The following KLHL1 variants were observed in gnomAD, a reference collection of about 807,000 sequenced individuals.
KLHL1 encodes kelch-like protein 1.
In KLHL1, 47 loss-of-function variants were observed where a neutral mutation model predicts 77.7. The observed-to-expected ratio is 0.60, with a 90% CI of 0.48 to 0.77. KLHL1 has a LOEUF of 0.77. Ranked by LOEUF, KLHL1 falls within the 30% of genes least tolerant of loss-of-function variation. KLHL1 has a pLI of 0.00. For missense variants in KLHL1, 925 were observed against 910.8 expected, an observed-to-expected ratio of 1.02 and a Z score of -0.20; for synonymous variants, 360 against 325.2, an observed-to-expected ratio of 1.11 and a Z score of -1.15.
At chr13:69,749,352 A>G (rs540830588) in intron 7 of KLHL1, among the ~76,000 whole-genome samples, 1 of 152,146 alleles carries the variant, frequency 6.6e-6, no homozygotes, top group Non-Finnish European at 1.5e-5. Flanking sequence ...GTCATTTTTC[A>G]TACAACTCAA....
chr13:69,996,582 T>C (rs1458469808), intron 1 of KLHL1, among the ~76,000 whole-genome samples: 1 of 152,138 alleles, frequency 6.6e-6, no homozygotes, highest in Non-Finnish European at 1.5e-5. Flanking sequence ...TAGGGGAATC[T>C]AAACTTGTTT....
intron 9 of KLHL1, among the ~76,000 whole-genome samples, chr13:69,711,830 T>C (rs1875889722): frequency 6.6e-6 from 1 of 152,156 alleles, no homozygotes; most frequent in Admixed American, 6.6e-5. Flanking sequence ...CTACCATCAG[T>C]GTAATGAGCA....
intron 2 of KLHL1, among the ~76,000 whole-genome samples, chr13:69,974,517 A>G (rs1445608775): frequency 2.0e-5 from 3 of 151,894 alleles, no homozygotes; most frequent in Non-Finnish European, 4.4e-5. Context: ...TGAAAAAGAA[A>G]ATGTTGAATT....
chr13:69,783,891 A>G (rs930203674), intron 7 of KLHL1, among the ~76,000 whole-genome samples: 1 of 151,780 alleles, frequency 6.6e-6, no homozygotes, highest in Non-Finnish European at 1.5e-5. Context: ...GATTCACCAA[A>G]GTTGAAATGA....
At chr13:69,747,556 G>A (rs1375942627) in intron 7 of KLHL1, among the ~76,000 whole-genome samples, 1 of 151,874 alleles carries the variant, frequency 6.6e-6, no homozygotes, top group Middle Eastern at 3.2e-3. Context: ...TGATATTGTT[G>A]TCTTCATACT....
Position 69,772,512 on chromosome 13 carries a change from G to C in KLHL1, c.1639+24226C>G, listed in dbSNP as rs535086603. On this transcript the variant is annotated intron_variant, in intron 7 of 10. Coordinates refer to ENST00000377844, the MANE Select transcript of KLHL1 (RefSeq NM_020866.3). ...CCTCATTAAATCTAAACAAATTAAG[G>C]CTGTTTATTATTTCTCAATGAACTA... Among the ~76,000 whole-genome samples the C allele has an allele frequency of 5.3e-5, 8 of 152,020 alleles. No homozygotes were observed. In the East Asian group the frequency reaches 1.5e-3, roughly 29 times the overall value.
At chr13:69,742,888 T>C (rs1593790231) in intron 7 of KLHL1, among the ~76,000 whole-genome samples, 1 of 152,160 alleles carries the variant, frequency 6.6e-6, no homozygotes, top group African/African-American at 2.4e-5. Flanking sequence ...AATGTGAAGG[T>C]TGAGGTTATT....
intron 1 of KLHL1, among the ~76,000 whole-genome samples, chr13:70,068,223 C>T (rs1381391330): frequency 6.6e-6 from 1 of 152,010 alleles, no homozygotes; most frequent in Non-Finnish European, 1.5e-5. Flanking sequence ...CGCCTGTAGT[C>T]CCAGCTACTC....
intron 7 of KLHL1, among the ~76,000 whole-genome samples, chr13:69,751,112 ATGTGTGTGTGTGTG>A (rs56689981): frequency 2.1e-5 from 3 of 141,172 alleles, no homozygotes; most frequent in Admixed American, 7.2e-5. Context: ...TCATGTGTGT[ATGTGTGTGTGTGTG>A]TGTGTGTGTG....
chr13:69,920,487 G>A (rs754646053), intron 4 of KLHL1, among the ~76,000 whole-genome samples: 3 of 151,952 alleles, frequency 2.0e-5, no homozygotes, highest in Non-Finnish European at 4.4e-5. Context: ...ACACATATCA[G>A]AAAAGGGGAC....
intron 6 of KLHL1, among the ~76,000 whole-genome samples, chr13:69,836,806 A>G (rs1879008444): frequency 6.6e-6 from 1 of 151,990 alleles, no homozygotes; most frequent in African/African-American, 2.4e-5. Context: ...AAATGACAGG[A>G]TTGTACCATA....
chr13:69,907,970 C>T (rs1342726483), intron 4 of KLHL1, among the ~76,000 whole-genome samples: 2 of 151,876 alleles, frequency 1.3e-5, no homozygotes, highest in Non-Finnish European at 2.9e-5. Flanking sequence ...CATAAGTTAC[C>T]ATGTAGATAG....
chr13:70,057,276 T>C (rs969126772), intron 1 of KLHL1, among the ~76,000 whole-genome samples: 3 of 152,004 alleles, frequency 2.0e-5, no homozygotes, highest in Non-Finnish European at 4.4e-5. Context: ...AGTAATGAGA[T>C]TGGGGCTGTA....
chr13:69,935,383 A>G (rs1003841514), intron 4 of KLHL1, among the ~76,000 whole-genome samples: 14 of 152,166 alleles, frequency 9.2e-5, no homozygotes, highest in Admixed American at 9.2e-4. Context: ...GTTTTATGTT[A>G]TCAAGAAGCT....
At chr13:69,784,500 C>G (rs1876406377) in intron 7 of KLHL1, among the ~76,000 whole-genome samples, 1 of 151,840 alleles carries the variant, frequency 6.6e-6, no homozygotes, top group African/African-American at 2.4e-5. Flanking sequence ...ATCTACCAAG[C>G]AAATGGAAAA....
intron 5 of KLHL1, among the ~76,000 whole-genome samples, chr13:69,878,732 A>T (rs1475674005): frequency 6.6e-6 from 1 of 151,562 alleles, no homozygotes; most frequent in Non-Finnish European, 1.5e-5. Flanking sequence ...AGAGAGAGAG[A>T]GAGTGAGAGA....
chr13:69,855,865 T>TA (rs35877179), intron 5 of KLHL1, among the ~76,000 whole-genome samples: 23,266 of 111,140 alleles, frequency 0.21, 2,378 homozygotes, highest in African/African-American at 0.35. Context: ...ATATAATATA[T>TA]TATATATTAT....
intron 6 of KLHL1, among the ~76,000 whole-genome samples, chr13:69,822,264 A>G (rs1357492697): frequency 6.6e-6 from 1 of 152,182 alleles, no homozygotes; most frequent in East Asian, 1.9e-4. Flanking sequence ...TTGGCAGCAG[A>G]TTTAGATAAT....
At chr13:69,849,674 T>C (rs1879608843) in intron 5 of KLHL1, among the ~76,000 whole-genome samples, 1 of 151,286 alleles carries the variant, frequency 6.6e-6, no homozygotes, top group South Asian at 2.1e-4. Flanking sequence ...TTACCATATA[T>C]GTAGTCACTT....
Sources: gnomAD v4.1 joint callset for allele counts (sites outside exome capture counted in the v4.1 genomes callset) on GRCh38, gnomAD v4.1.1 for gene constraint, MANE v1.5 for transcripts, NCBI Gene and HGNC (gene_info 2026-07-23, HGNC 2026-07-21) for gene names.